Variants in INTS9 observed in about 807,000 individuals in gnomAD.
INTS9 encodes the protein protein related to CPSF subunits of 74 kDa.
INTS9 carries 55 observed loss-of-function variants against 79.7 expected under a neutral mutation model. That is an observed-to-expected ratio of 0.69 (90% CI 0.56 to 0.86). INTS9 has a LOEUF of 0.86. Among genes scored for constraint, INTS9 ranks in the 40% least tolerant of loss-of-function variants. INTS9 has a pLI of 0.00. For synonymous variants in INTS9, 319 were observed against 325.2 expected (o/e 0.98, Z 0.20); for missense variants, 721 against 831.5 (o/e 0.87, Z 1.64).
chr8:28,773,419 G>A (rs1423556312), intron 14 of INTS9, among the ~76,000 whole-genome samples: 11 of 143,380 alleles, frequency 7.7e-5, no homozygotes, highest in African/African-American at 1.6e-4. Flanking sequence ...AGCCAAGATC[G>A]CGCCAATGCA....
chr8:28,796,741 GCT>G (rs772179155), intron 8 of INTS9, 86 bp from the exon 9 acceptor site: 16 of 851,808 alleles, frequency 1.9e-5, no homozygotes, highest in Non-Finnish European at 3.0e-5. Context: ...CACAGACATT[GCT>G]CTTTCTACGT....
intron 1 of INTS9, among the ~76,000 whole-genome samples, chr8:28,887,111 G>C (rs1810210496): frequency 6.6e-6 from 1 of 152,044 alleles, no homozygotes; most frequent in Non-Finnish European, 1.5e-5. Flanking sequence ...ATATAACAGG[G>C]GTACTTAATT....
At chr8:28,881,805 C>G (rs1809842259) in intron 1 of INTS9, among the ~76,000 whole-genome samples, 1 of 147,356 alleles carries the variant, frequency 6.8e-6, no homozygotes, top group East Asian at 2.1e-4. Context: ...CTCTGCCTGG[C>G]CAGCCGCCCC....
In INTS9 at chr8:28,796,725, C is replaced by G. The variant is rs141912002; in HGVS notation, c.745-70G>C. 82 of 936,618 alleles carry G rather than the reference C, an allele frequency of 8.8e-5. No individual in the cohort carries two copies. In the African/African-American group the frequency reaches 1.2e-3, roughly 13 times the overall value. 58.0% of individuals were successfully genotyped at this position (936,618 alleles called of 1,614,324 possible). ...ATTACCTACAAATAGTGAAAGAATA[C>G]GAGAACACAGACATTGCTCTTTCTA... On this transcript the variant is annotated intron_variant, in intron 8 of 16. Coordinates refer to ENST00000521022, the MANE Select transcript of INTS9 (RefSeq NM_018250.4).
intron 6 of INTS9, among the ~76,000 whole-genome samples, chr8:28,822,515 T>A (rs1376986833): frequency 6.6e-6 from 1 of 151,990 alleles, no homozygotes; most frequent in Non-Finnish European, 1.5e-5. Context: ...GTGGGCCAGA[T>A]CTGGCCCAAA....
intron 4 of INTS9, among the ~76,000 whole-genome samples, chr8:28,838,475 C>T (rs1806956299): frequency 6.6e-6 from 1 of 152,000 alleles, no homozygotes; most frequent in Admixed American, 6.5e-5. Flanking sequence ...TTTAGGAAAA[C>T]TCCTAAAATT....
chr8:28,825,966 C>T (rs537123746), intron 6 of INTS9, among the ~76,000 whole-genome samples: 3 of 152,168 alleles, frequency 2.0e-5, no homozygotes, highest in Admixed American at 6.5e-5. Flanking sequence ...TTACGTTCTA[C>T]AATCAGAATG....
At chr8:28,792,095 A>G (rs1803949677) in intron 10 of INTS9, among the ~76,000 whole-genome samples, 1 of 152,232 alleles carries the variant, frequency 6.6e-6, no homozygotes, top group Non-Finnish European at 1.5e-5. Context: ...TATTAGCATC[A>G]TGTTGGCCAA....
At chr8:28,792,607 A>T (rs1803978862) in intron 10 of INTS9, among the ~76,000 whole-genome samples, 1 of 152,194 alleles carries the variant, frequency 6.6e-6, no homozygotes, top group Non-Finnish European at 1.5e-5. Context: ...TTCAGAGTTA[A>T]TAATAATGTA....
At chr8:28,783,749 G>C (rs1010876779) in intron 11 of INTS9, 4 of 152,174 alleles carry the variant, frequency 2.6e-5, no homozygotes, top group African/African-American at 9.7e-5. Context: ...GAATTCCCAC[G>C]TTCCTTCCAG....
intron 2 of INTS9, among the ~76,000 whole-genome samples, chr8:28,857,119 C>T (rs1808213519): frequency 6.6e-6 from 1 of 152,144 alleles, no homozygotes; most frequent in Non-Finnish European, 1.5e-5. Flanking sequence ...ATCCAGTCCA[C>T]TGCTGAGGGG....
Position 28,817,762 on chromosome 8 carries a change from C to T in INTS9, c.489-4150G>A, listed in dbSNP as rs534875110. Among the ~76,000 whole-genome samples the T allele has an allele frequency of 2.9e-4, 35 of 121,482 alleles. 1 individual carries two copies. The highest frequency in any genetic ancestry group is 5.0e-4 in the Admixed American group (6 of 11,994). The allele number at this position is 121,482 out of a possible 152,430, so 79.7% of individuals were successfully genotyped here. ...ACCTTGGGCAGTGTGGCCATTTTAACGATACTGATTCTTCCTACCCATGAG... is the reference window on the plus strand; with the variant it reads ...ACCTTGGGCAGTGTGGCCATTTTAATGATACTGATTCTTCCTACCCATGAG... On this transcript the variant is annotated intron_variant, in intron 6 of 16. Transcript: ENST00000521022.
chr8:28,805,510 T>C (rs1030185154), intron 8 of INTS9, among the ~76,000 whole-genome samples: 3 of 152,192 alleles, frequency 2.0e-5, no homozygotes, highest in African/African-American at 7.2e-5. Flanking sequence ...GTTGAAAAAC[T>C]TACAATATAT....
intron 6 of INTS9, among the ~76,000 whole-genome samples, chr8:28,816,771 C>A (rs1805510131): frequency 6.8e-6 from 1 of 148,052 alleles, no homozygotes; most frequent in Non-Finnish European, 1.5e-5. Flanking sequence ...GTCCCACCAA[C>A]AGTGTAAAAG....
At chr8:28,836,945 T>C (rs914597158) in intron 5 of INTS9, among the ~76,000 whole-genome samples, 1 of 152,226 alleles carries the variant, frequency 6.6e-6, no homozygotes, top group African/African-American at 2.4e-5. Context: ...ACCGTACTTA[T>C]TAATTTATTT....
intron 1 of INTS9, among the ~76,000 whole-genome samples, chr8:28,870,437 C>T (rs1809026801): frequency 8.2e-6 from 1 of 121,560 alleles, no homozygotes; most frequent in Admixed American, 1.1e-4. Flanking sequence ...ATAATTTATA[C>T]AAATTGCTGA....
intron 1 of INTS9, among the ~76,000 whole-genome samples, chr8:28,862,514 C>A (rs1300441353): frequency 1.3e-5 from 2 of 152,154 alleles, no homozygotes; most frequent in Non-Finnish European, 2.9e-5. Context: ...GTGGTGATCA[C>A]TTTAGTGCGT....
At chr8:28,810,172 A>G (rs1805028159) in intron 8 of INTS9, 1 of 152,502 alleles carries the variant, frequency 6.6e-6, no homozygotes, top group Admixed American at 6.5e-5. Context: ...CCACAGAGTG[A>G]CATGGTACAA....
intron 6 of INTS9, among the ~76,000 whole-genome samples, chr8:28,833,278 G>GA (rs1489000601): frequency 1.3e-5 from 2 of 152,066 alleles, no homozygotes; most frequent in Non-Finnish European, 2.9e-5. Flanking sequence ...GTGCCAACTG[G>GA]AAAAAAGTGG....
Sources: allele counts gnomAD v4.1 joint callset (sites outside exome capture counted in the v4.1 genomes callset), GRCh38; gene constraint gnomAD v4.1.1; transcripts MANE v1.5; gene names NCBI Gene and HGNC (gene_info 2026-07-23, HGNC 2026-07-21).